The following TSPEAR variants were observed in gnomAD, a reference collection of about 807,000 sequenced individuals.
TSPEAR encodes thrombospondin type laminin G domain and EAR repeats.
Under a neutral mutation model 71.6 loss-of-function variants are expected in TSPEAR, and 69 were observed. That is an observed-to-expected ratio of 0.96 (90% CI 0.79 to 1.18). The LOEUF (loss-of-function observed/expected upper bound fraction) is 1.18. Among genes scored for constraint, TSPEAR ranks in the 50% most tolerant of loss-of-function variants. The pLI is 0.00. For synonymous variants in TSPEAR, 402 were observed against 387.2 expected, an observed-to-expected ratio of 1.04 and a Z score of -0.45; for missense variants, 971 against 894.9, an observed-to-expected ratio of 1.09 and a Z score of -1.09.
intron 2 of TSPEAR, chr21:44,539,150 TG>T: frequency 7.4e-7 from 1 of 1,348,456 alleles, no homozygotes; most frequent in Non-Finnish European, 9.8e-7. Flanking sequence ...TGGAGGCTCC[TG>T]GGAGCAAGGA....
chr21:44,555,132 C>G (rs587713535), intron 2 of TSPEAR, among the ~76,000 whole-genome samples: 1 of 152,040 alleles, frequency 6.6e-6, no homozygotes, highest in Non-Finnish European at 1.5e-5. Flanking sequence ...CCGAAACAGG[C>G]GGAAACCTCA....
intron 1 of TSPEAR, chr21:44,677,087 A>C (rs1883039): frequency 0.73 from 528,568 of 722,628 alleles, 194,506 homozygotes; most frequent in African/African-American, 0.83. Flanking sequence ...ACAAGCTTAG[A>C]CTCAAATTGA....
chr21:44,554,849 T>A (rs1601409292), intron 2 of TSPEAR, among the ~76,000 whole-genome samples: 1 of 152,246 alleles, frequency 6.6e-6, no homozygotes, highest in East Asian at 1.9e-4. Context: ...ATATGCTGTA[T>A]GTTGTTTTCA....
At chr21:44,600,090 G>C (rs932984462) in intron 1 of TSPEAR, among the ~76,000 whole-genome samples, 2 of 152,110 alleles carry the variant, frequency 1.3e-5, no homozygotes, top group African/African-American at 4.8e-5. Context: ...GCCCTTGGGG[G>C]GACTTTATGC....
chr21:44,634,070 C>T (rs1343943178), intron 1 of TSPEAR, among the ~76,000 whole-genome samples: 1 of 152,062 alleles, frequency 6.6e-6, no homozygotes, highest in South Asian at 2.1e-4. Flanking sequence ...CAGAGTAAGA[C>T]CCTGGTCCCT....
intron 1 of TSPEAR, among the ~76,000 whole-genome samples, chr21:44,657,643 AACG>A (rs1412092547): frequency 1.3e-5 from 2 of 152,346 alleles, no homozygotes; most frequent in East Asian, 3.9e-4. Flanking sequence ...AAAGTGAAAC[AACG>A]GGATTCGGTA....
At chr21:44,575,033 A>T (rs1978341108) in intron 1 of TSPEAR, 2 of 1,584,228 alleles carry the variant, frequency 1.3e-6, no homozygotes, top group Non-Finnish European at 1.7e-6. Flanking sequence ...GCTGATGGAC[A>T]CGCCCCCCAG....
chr21:44,631,350 T>C (rs183861483), intron 1 of TSPEAR, among the ~76,000 whole-genome samples: 261 of 152,206 alleles, frequency 1.7e-3, no homozygotes, highest in African/African-American at 6.0e-3. Flanking sequence ...CCACAGCCGA[T>C]TTGAACAGAC....
chr21:44,500,242 C>T (rs1006929145), intron 11 of TSPEAR, among the ~76,000 whole-genome samples: 1 of 152,326 alleles, frequency 6.6e-6, no homozygotes, highest in Admixed American at 6.5e-5. Flanking sequence ...CGAGGGTCGG[C>T]CTCAATCGTG....
rs200953949 is a variant in TSPEAR, at chr21:44,529,926, G to A, written c.662C>T (p.Pro221Leu). The stretch of plus-strand genomic sequence containing the variant: ...CAGCCTTGGGGTGGCGTCTGAGCCC[G>A]GCAGCAGGACCAGTTGCCTCACCAG... ...MGLVRQLVLL[P>L]GSDATPRLCP... The change falls in exon 5 of 12, where the codon CCG becomes CTG. Residue 221 changes from proline (P) to leucine (L), a missense_variant. Pro to Leu is a moderately conservative substitution (Grantham distance 98). Coordinates refer to ENST00000323084, the MANE Select transcript of TSPEAR (RefSeq NM_144991.3). The A allele has an allele frequency of 3.2e-5, 51 of 1,607,966 alleles. No homozygotes were observed. In the East Asian group the frequency reaches 7.4e-4, roughly 23 times the overall value.
chr21:44,538,146 A>G (rs2838586), intron 2 of TSPEAR, among the ~76,000 whole-genome samples: 27,926 of 152,038 alleles, frequency 0.18, 2,693 homozygotes, highest in South Asian at 0.34. Context: ...GGGCATTCTC[A>G]TCAGCGTTTT....
intron 1 of TSPEAR, chr21:44,637,927 G>T (rs782732011): frequency 6.2e-7 from 1 of 1,612,934 alleles, no homozygotes; most frequent in Non-Finnish European, 8.5e-7. Context: ...CATGCTGCCA[G>T]CAGTCTAGCT....
At chr21:44,604,508 G>A (rs1454709341) in intron 1 of TSPEAR, among the ~76,000 whole-genome samples, 1 of 151,854 alleles carries the variant, frequency 6.6e-6, no homozygotes, top group Non-Finnish European at 1.5e-5. Context: ...AAGATAATGA[G>A]ATCTCTATAT....
intron 1 of TSPEAR, chr21:44,637,613 T>C: frequency 6.2e-7 from 1 of 1,613,962 alleles, no homozygotes. Context: ...CCAATCAGGC[T>C]ACACCAGCTC....
At chr21:44,556,652 A>C (rs1263454883) in intron 2 of TSPEAR, among the ~76,000 whole-genome samples, 3 of 152,200 alleles carry the variant, frequency 2.0e-5, no homozygotes, top group Non-Finnish European at 4.4e-5. Flanking sequence ...AGATCGCACC[A>C]CTGCACTCCA....
At position 44,520,098 on chromosome 21, in the gene TSPEAR, G is replaced by A. The variant is rs2052702610; in HGVS notation, c.1566+1785C>T. 1 of 152,376 alleles carries A rather than the reference G, an allele frequency of 6.6e-6. No individual in the cohort carries two copies. Among genetic ancestry groups the A allele is most frequent in the African/African-American group, 2.4e-5 (1 of 41,450 alleles). 9.4% of individuals were successfully genotyped at this position (152,376 alleles called of 1,614,324 possible). A position where few individuals can be genotyped will look rare whatever the true frequency, so the allele number is the denominator to read the frequency against. On this transcript the variant is annotated intron_variant, in intron 9 of 11. Transcript: ENST00000323084. The surrounding 1 kb of genome is among the most constrained non-coding windows in gnomAD (Gnocchi z 4.2). ...TCCACAGCACTAGCGAGCTCAAGGT[G>A]TGTTCCTTCTGGCACTGCTGCCTCC...
intron 1 of TSPEAR, among the ~76,000 whole-genome samples, chr21:44,578,009 T>A (rs1978574450): frequency 6.6e-6 from 1 of 152,180 alleles, no homozygotes; most frequent in Admixed American, 6.5e-5. Flanking sequence ...CAGGGGAGTT[T>A]CCCTGCACAA....
Position 44,697,304 on chromosome 21 carries a change from A to T in TSPEAR, c.82+14129T>A, listed in dbSNP as rs781786287. 2.6e-5 allele frequency: 42 copies of T among 1,613,066 alleles called. No individual in the cohort carries two copies. The highest frequency in any genetic ancestry group is 5.0e-5 in the Admixed American group (3 of 59,978). On this transcript the variant is annotated intron_variant, in intron 1 of 11. Coordinates refer to ENST00000323084, the MANE Select transcript of TSPEAR (RefSeq NM_144991.3). ...CTGGCAGGTGGACGACTGCCCAGAG[A>T]GCTGCTGTGAGCCCCCCTGCTGCGC...
intron 1 of TSPEAR, chr21:44,676,657 C>A (rs2146289783): frequency 1.3e-6 from 1 of 769,720 alleles, no homozygotes; most frequent in East Asian, 2.4e-5. Context: ...AAGGACATCT[C>A]ACAAGTGATC....
Sources: gnomAD v4.1 joint callset for allele counts (sites outside exome capture counted in the v4.1 genomes callset) on GRCh38, gnomAD v4.1.1 for gene constraint, Gnocchi (gnomAD v3.1) non-coding constraint, MANE v1.5 for transcripts, NCBI Gene and HGNC (gene_info 2026-07-23, HGNC 2026-07-21) for gene names.